Variants in GPC3 observed in about 807,000 individuals in gnomAD.
GPC3 encodes the protein glypican-3.
In GPC3, 3 loss-of-function variants were observed where a neutral mutation model predicts 34.4. The observed-to-expected ratio is 0.09, with a 90% CI of 0.04 to 0.23. The LOEUF (loss-of-function observed/expected upper bound fraction) is 0.23. Ranked by LOEUF, GPC3 falls within the 10% of genes least tolerant of loss-of-function variation. The pLI is 1.00. For missense variants in GPC3, 351 were observed against 445.6 expected (o/e 0.79, Z 1.91); for synonymous variants, 177 against 174.0 (o/e 1.02, Z -0.13).
rs373981153 is a variant in GPC3, at chrX:133,754,195, A to G, written c.338-19T>C. On this transcript the variant is annotated intron_variant, in intron 2 of 7. Coordinates refer to ENST00000370818, the MANE Select transcript of GPC3 (RefSeq NM_004484.4). Reference sequence around the variant, plus strand: ...AAGGCCTCTGTAAAAAAAAAAAAAAAAGAGACACAAAAATGTGTACAAATT... The same window carrying G: ...AAGGCCTCTGTAAAAAAAAAAAAAAGAGAGACACAAAAATGTGTACAAATT... 696 of 1,018,493 alleles carry G rather than the reference A, an allele frequency of 6.8e-4. No individual in the cohort carries two copies. The South Asian group carries it at 8.5e-3, about 12-fold the overall frequency. 83.9% of individuals were successfully genotyped at this position (1,018,493 alleles called of 1,213,427 possible). A position where few individuals can be genotyped will look rare whatever the true frequency, so the allele number is the denominator to read the frequency against.
intron 6 of GPC3, among the ~76,000 whole-genome samples, chrX:133,637,501 G>A (rs1480820797): frequency 9.0e-6 from 1 of 111,611 alleles, no homozygotes; most frequent in Non-Finnish European, 1.9e-5. Flanking sequence ...GAGCTAGGAA[G>A]TTCACTTGTG....
intron 2 of GPC3, among the ~76,000 whole-genome samples, chrX:133,784,076 G>A (rs2072078131): frequency 9.0e-6 from 1 of 111,399 alleles, no homozygotes; most frequent in Admixed American, 9.5e-5. Flanking sequence ...AACACATAAT[G>A]AACATGATGA....
chrX:133,720,310 C>T (rs988105494), intron 3 of GPC3, among the ~76,000 whole-genome samples: 1 of 112,245 alleles, frequency 8.9e-6, no homozygotes, highest in East Asian at 2.8e-4. Flanking sequence ...GTGTCCCCAC[C>T]GAAATCTTAT....
At chrX:133,686,914 T>TTTTGTTTG (rs779216905) in intron 5 of GPC3, among the ~76,000 whole-genome samples, 3,560 of 106,930 alleles carry the variant, frequency 0.033, 215 homozygotes, top group African/African-American at 0.12. Flanking sequence ...GATTTTCTTT[T>TTTTGTTTG]TTTGTTTGTT....
intron 2 of GPC3, among the ~76,000 whole-genome samples, chrX:133,846,468 CT>C (rs1370818835): frequency 8.1e-5 from 9 of 111,508 alleles, no homozygotes; most frequent in Admixed American, 5.7e-4. Flanking sequence ...CATGACATAG[CT>C]AATGAAAGTA....
chrX:133,651,191 C>CT lies in GPC3; in HGVS notation c.1413+10538dup, dbSNP rs370207439. On this transcript the variant is annotated intron_variant, in intron 6 of 7. Transcript: ENST00000370818. ...GAGTATTTTTCTTTTTTCTTTTTTT[C>CT]TTTTTTTTTTGAGACAGAGTCTCGC... 5.2e-3 allele frequency among the ~76,000 whole-genome samples: 555 copies of CT among 105,912 alleles called. 3 individuals are homozygous for CT. The highest frequency in any genetic ancestry group is 0.017 in the African/African-American group (496 of 29,256). The allele number at this position is 105,912 out of a possible 115,157, so 92.0% of individuals were successfully genotyped here.
chrX:133,950,769 C>A (rs1299465161), intron 2 of GPC3, among the ~76,000 whole-genome samples: 1 of 111,612 alleles, frequency 9.0e-6, no homozygotes, highest in Non-Finnish European at 1.9e-5. Context: ...TCTTGTCTCT[C>A]CAAATGTTTG....
intron 2 of GPC3, among the ~76,000 whole-genome samples, chrX:133,950,640 G>A (rs2076388359): frequency 8.9e-6 from 1 of 111,948 alleles, no homozygotes; most frequent in African/African-American, 3.3e-5. Flanking sequence ...AAAAACAATT[G>A]TGTCTCCTAA....
At chrX:133,899,472 ATTCCAG>A (rs1238561511) in intron 2 of GPC3, among the ~76,000 whole-genome samples, 2 of 111,605 alleles carry the variant, frequency 1.8e-5, no homozygotes, top group Non-Finnish European at 3.8e-5. Context: ...TTACCAACCA[ATTCCAG>A]TACATATTTC....
At chrX:133,694,090 C>T (rs951082128) in intron 4 of GPC3, among the ~76,000 whole-genome samples, 1 of 111,061 alleles carries the variant, frequency 9.0e-6, no homozygotes, top group Non-Finnish European at 1.9e-5. Flanking sequence ...AATAAATAAA[C>T]CTCTTTTCTT....
At chrX:133,981,664 A>AGGACC (rs1206721657) in intron 1 of GPC3, among the ~76,000 whole-genome samples, 1 of 112,487 alleles carries the variant, frequency 8.9e-6, no homozygotes, top group Non-Finnish European at 1.9e-5. Flanking sequence ...TCTGGACATT[A>AGGACC]GGACCGCTAA....
intron 2 of GPC3, among the ~76,000 whole-genome samples, chrX:133,825,530 G>A (rs1272348772): frequency 8.9e-6 from 1 of 111,989 alleles, no homozygotes; most frequent in African/African-American, 3.3e-5. Flanking sequence ...GAGGAGGGAG[G>A]GTTGGGAATT....
At chrX:133,951,501 C>A (rs914979616) in intron 2 of GPC3, among the ~76,000 whole-genome samples, 1 of 111,361 alleles carries the variant, frequency 9.0e-6, no homozygotes, top group Non-Finnish European at 1.9e-5. Context: ...TAAAAAGGGA[C>A]CTTGATGCCC....
At chrX:133,779,906 T>C (rs1229796530) in intron 2 of GPC3, among the ~76,000 whole-genome samples, 3 of 111,475 alleles carry the variant, frequency 2.7e-5, no homozygotes, top group African/African-American at 9.8e-5. Context: ...GGGGCCCAAA[T>C]AGGAGCATGG....
chrX:133,675,074 G>A (rs2070869845), intron 5 of GPC3, among the ~76,000 whole-genome samples: 1 of 112,080 alleles, frequency 8.9e-6, no homozygotes, highest in African/African-American at 3.2e-5. Flanking sequence ...AACAGAGGGA[G>A]GAAAGGCTCC....
intron 5 of GPC3, among the ~76,000 whole-genome samples, chrX:133,667,281 C>T (rs2070777429): frequency 9.0e-6 from 1 of 111,394 alleles, no homozygotes; most frequent in African/African-American, 3.3e-5. Context: ...CCATATTATA[C>T]ATTATATTCC....
intron 2 of GPC3, among the ~76,000 whole-genome samples, chrX:133,844,133 T>G (rs981853674): frequency 1.8e-5 from 2 of 111,283 alleles, no homozygotes; most frequent in Non-Finnish European, 3.8e-5. Context: ...GAAAGGGAGG[T>G]GTGAGACAGG....
At chrX:133,799,638 T>C (rs2075599228) in intron 2 of GPC3, among the ~76,000 whole-genome samples, 1 of 111,544 alleles carries the variant, frequency 9.0e-6, no homozygotes, top group Non-Finnish European at 1.9e-5. Context: ...GCCTGTTTTT[T>C]ACATGATAAA....
At chrX:133,811,590 T>C (rs1171708785) in intron 2 of GPC3, among the ~76,000 whole-genome samples, 1 of 112,012 alleles carries the variant, frequency 8.9e-6, no homozygotes, top group African/African-American at 3.2e-5. Context: ...GACAGTTATT[T>C]ATATTCTGCT....
Sources: gnomAD v4.1 joint callset for allele counts (sites outside exome capture counted in the v4.1 genomes callset) on GRCh38, gnomAD v4.1.1 for gene constraint, MANE v1.5 for transcripts, NCBI Gene and HGNC (gene_info 2026-07-23, HGNC 2026-07-21) for gene names.